Variants in GPCPD1 observed in about 807,000 individuals in gnomAD.
The protein encoded by GPCPD1 is glycerophosphocholine phosphodiesterase 1.
A neutral mutation model predicts 89.2 loss-of-function variants in GPCPD1; 29 were observed. The ratio of observed to expected loss-of-function variants is 0.33; its 90% CI spans 0.24 to 0.44. The LOEUF (loss-of-function observed/expected upper bound fraction) is 0.44, where lower values mean the gene tolerates loss of function less well. Ranked by LOEUF, GPCPD1 falls within the 20% of genes least tolerant of loss-of-function variation. The pLI is 1.00. For missense variants in GPCPD1, 594 were observed against 808.9 expected (o/e 0.73, Z 3.22); for synonymous variants, 258 against 266.3 (o/e 0.97, Z 0.30).
intron 3 of GPCPD1, among the ~76,000 whole-genome samples, chr20:5,597,152 A>C (rs1287064082): frequency 6.6e-6 from 1 of 152,240 alleles, no homozygotes; most frequent in Non-Finnish European, 1.5e-5. Flanking sequence ...AATACTATTT[A>C]CCAACAGAAC....
intron 10 of GPCPD1, 77 bp from the exon 11 acceptor site, chr20:5,574,046 T>C (rs140383175): frequency 4.8e-6 from 4 of 839,726 alleles, no homozygotes; most frequent in Middle Eastern, 2.2e-4. Flanking sequence ...CAAAGTGTAC[T>C]TTCAACAATG....
intron 19 of GPCPD1, among the ~76,000 whole-genome samples, chr20:5,553,899 A>C (rs1424494732): frequency 7.1e-6 from 1 of 140,866 alleles, no homozygotes; most frequent in African/African-American, 2.8e-5. Flanking sequence ...CTGATGGAGA[A>C]GCTGCAGTTA....
chr20:5,571,336 A>T (rs1179152406), intron 11 of GPCPD1, among the ~76,000 whole-genome samples: 1 of 152,256 alleles, frequency 6.6e-6, no homozygotes. Context: ...AAACATTTTA[A>T]GTTGTAGCTT....
chr20:5,549,955 G>C (rs974207900), intron 19 of GPCPD1, among the ~76,000 whole-genome samples: 11 of 152,076 alleles, frequency 7.2e-5, no homozygotes, highest in Non-Finnish European at 5.9e-5. Context: ...CACTTTGGGA[G>C]GACAAGAAAG....
intron 19 of GPCPD1, chr20:5,549,414 G>C (rs1192842367): frequency 1.7e-6 from 2 of 1,210,486 alleles, no homozygotes; most frequent in African/African-American, 3.0e-5. Context: ...ATCGTGATTG[G>C]TTATCAGTCC....
At chr20:5,565,257 C>T (rs1986331190) in intron 14 of GPCPD1, among the ~76,000 whole-genome samples, 179 bp from the exon 15 acceptor site, 1 of 151,264 alleles carries the variant, frequency 6.6e-6, no homozygotes, top group African/African-American at 2.4e-5. Flanking sequence ...GGTAGGGTCT[C>T]ACTCTGTCAT....
At chr20:5,610,549 G>T (rs1448976251) in intron 1 of GPCPD1, among the ~76,000 whole-genome samples, 1 of 152,070 alleles carries the variant, frequency 6.6e-6, no homozygotes, top group East Asian at 1.9e-4. Flanking sequence ...CACGCACCCT[G>T]CTACTCCTCA....
At chr20:5,584,366 G>T in intron 5 of GPCPD1, 44 bp from the exon 6 acceptor site, 1 of 808,436 alleles carries the variant, frequency 1.2e-6, no homozygotes, top group Non-Finnish European at 2.2e-6. Context: ...AACTCTTGAT[G>T]CATACCCAGT....
At chr20:5,609,087 C>T (rs1980783097) in intron 1 of GPCPD1, among the ~76,000 whole-genome samples, 1 of 152,192 alleles carries the variant, frequency 6.6e-6, no homozygotes, top group African/African-American at 2.4e-5. Flanking sequence ...GGTAAAGGGA[C>T]ATTCACTTTA....
chr20:5,549,659 G>T (rs888026893), intron 19 of GPCPD1, among the ~76,000 whole-genome samples: 4 of 149,720 alleles, frequency 2.7e-5, no homozygotes, highest in African/African-American at 9.9e-5. Flanking sequence ...GAGGTGGGAG[G>T]ACTGGAACTC....
intron 10 of GPCPD1, 98 bp from the exon 11 acceptor site, chr20:5,574,067 C>T: frequency 3.9e-6 from 3 of 764,714 alleles, no homozygotes; most frequent in Non-Finnish European, 6.8e-6. Context: ...GGAAATGGTA[C>T]TTATTCTGTA....
chr20:5,549,911 G>A (rs1985280805), intron 19 of GPCPD1, among the ~76,000 whole-genome samples: 1 of 152,086 alleles, frequency 6.6e-6, no homozygotes, highest in African/African-American at 2.4e-5. Flanking sequence ...ACTCAACAGA[G>A]GCCAGGCACG....
chr20:5,608,618 GGAAGA>G (rs1980752923), intron 1 of GPCPD1, among the ~76,000 whole-genome samples: 1 of 71,562 alleles, frequency 1.4e-5, no homozygotes, highest in East Asian at 4.2e-4. Context: ...TTCTAAACAA[GGAAGA>G]AAAAAAAAAA....
In GPCPD1 at chr20:5,574,099, C is replaced by A; in HGVS notation, c.1002-130G>T. 3 of 638,132 alleles carry A rather than the reference C, an allele frequency of 4.7e-6. No homozygotes were observed. In the Admixed American group the frequency reaches 8.4e-5, roughly 18 times the overall value. 39.5% of individuals were successfully genotyped at this position (638,132 alleles called of 1,614,324 possible). ...TGTATTCTGAGGCCAGTTTTGACAT[C>A]CCCAAAATATGACTATGGCTGTGAC... On this transcript the variant is annotated intron_variant, in intron 10 of 19. Coordinates refer to ENST00000379019, the MANE Select transcript of GPCPD1 (RefSeq NM_019593.5).
intron 14 of GPCPD1, among the ~76,000 whole-genome samples, chr20:5,565,665 T>C (rs760827713): frequency 2.0e-5 from 3 of 152,162 alleles, no homozygotes; most frequent in Non-Finnish European, 4.4e-5. Flanking sequence ...TATTTTCTTA[T>C]AAAATTTGTA....
At chr20:5,597,846 T>G (rs948470020) in intron 3 of GPCPD1, among the ~76,000 whole-genome samples, 6 of 152,234 alleles carry the variant, frequency 3.9e-5, no homozygotes, top group African/African-American at 7.2e-5. Context: ...CTAAGTTTAC[T>G]GATGGATTCA....
At position 5,573,579 on chromosome 20, in the gene GPCPD1, GA is replaced by G. The variant is rs1218453055; in HGVS notation, c.1056+335del. Among the ~76,000 whole-genome samples the G allele has an allele frequency of 1.8e-4, 27 of 152,130 alleles. No homozygotes were observed. In the East Asian group the frequency reaches 4.6e-3, roughly 26 times the overall value. On this transcript the variant is annotated intron_variant, in intron 11 of 19. Transcript: ENST00000379019. ...AGTGAGACCCTGAATCTACAAAAGA[GA>G]AAAAAATTTAAAAATTAGCCAGGCA...
At chr20:5,604,001 C>G (rs1980371451) in intron 2 of GPCPD1, among the ~76,000 whole-genome samples, 2 of 152,178 alleles carry the variant, frequency 1.3e-5, no homozygotes, top group Non-Finnish European at 2.9e-5. Context: ...CCCGCCTCAG[C>G]CTCCCAAAGT....
At chr20:5,555,465 G>A (rs939832599) in intron 19 of GPCPD1, among the ~76,000 whole-genome samples, 17 of 152,220 alleles carry the variant, frequency 1.1e-4, no homozygotes, top group Admixed American at 3.3e-4. Flanking sequence ...CTTGAACCTG[G>A]GAGGCGGAGG....
Sources: allele counts gnomAD v4.1 joint callset (sites outside exome capture counted in the v4.1 genomes callset), GRCh38; gene constraint gnomAD v4.1.1; transcripts MANE v1.5; gene names NCBI Gene and HGNC (gene_info 2026-07-23, HGNC 2026-07-21).